LCOR: variants seen among roughly 807,000 people sequenced by gnomAD.
LCOR encodes ligand-dependent corepressor.
Under a neutral mutation model 64.4 loss-of-function variants are expected in LCOR, and 14 were observed. That is an observed-to-expected ratio of 0.22 (90% CI 0.14 to 0.34). The LOEUF (loss-of-function observed/expected upper bound fraction) is 0.34. Among genes scored for constraint, LCOR ranks in the 10% least tolerant of loss-of-function variants. The pLI is 1.00. For synonymous variants in LCOR, 643 were observed against 642.5 expected, an observed-to-expected ratio of 1.00 and a Z score of -0.01; for missense variants, 1,686 against 1,765.3, an observed-to-expected ratio of 0.96 and a Z score of 0.80.
chr10:96,840,653 G>T (rs1345350179), intron 2 of LCOR, among the ~76,000 whole-genome samples: 1 of 152,138 alleles, frequency 6.6e-6, no homozygotes, highest in Non-Finnish European at 1.5e-5. Context: ...TGGGGTCTGG[G>T]ATTACAGGCA....
At chr10:96,855,991 G>C (rs1009739497) in intron 2 of LCOR, among the ~76,000 whole-genome samples, 1 of 152,152 alleles carries the variant, frequency 6.6e-6, no homozygotes, top group Non-Finnish European at 1.5e-5. Flanking sequence ...TGATCCGCCT[G>C]CCTCAGCCTC....
intron 6 of LCOR, 56 bp downstream of exon 6, chr10:96,949,351 GA>G (rs562229779): frequency 2.3e-3 from 3,013 of 1,296,930 alleles, no homozygotes; most frequent in Middle Eastern, 3.2e-3. Context: ...ACTTTGGGGA[GA>G]AAAAAAAAAG....
intron 4 of LCOR, among the ~76,000 whole-genome samples, chr10:96,918,258 A>G (rs372300415): frequency 6.6e-6 from 1 of 151,950 alleles, no homozygotes; most frequent in Non-Finnish European, 1.5e-5. Flanking sequence ...GACAGGGGGG[A>G]TGGGTTGTCA....
At position 96,982,840 on chromosome 10, in the gene LCOR, G is replaced by A. The variant is rs781146560; in HGVS notation, c.2380G>A (p.Asp794Asn). ...AAAAGACACGTATGATACAAGCATT[G>A]ACTCACTCGAAGAGAATTTGGACAA... ...SEKDTYDTSI[D>N]SLEENLDKKK... The change falls in exon 8 of 8, where the codon GAC becomes AAC. Residue 794 changes from aspartate (D) to asparagine (N), a missense_variant. Transcript: ENST00000421806. The A allele has an allele frequency of 6.2e-7, 1 of 1,614,100 alleles. No homozygotes were observed. The highest frequency in any genetic ancestry group is 2.2e-5 in the East Asian group (1 of 44,888).
intron 7 of LCOR, among the ~76,000 whole-genome samples, chr10:96,973,531 G>A (rs1317899192): frequency 2.6e-5 from 4 of 152,226 alleles, no homozygotes; most frequent in Non-Finnish European, 5.9e-5. Context: ...TAAAGGAGAA[G>A]AAGTGAGTAA....
chr10:96,855,844 C>T (rs561524250), intron 2 of LCOR, among the ~76,000 whole-genome samples: 4 of 151,968 alleles, frequency 2.6e-5, no homozygotes, highest in South Asian at 2.1e-4. Flanking sequence ...CGGGTTCAAG[C>T]GATTCTCCTG....
intron 1 of LCOR, 74 bp downstream of exon 1, chr10:96,832,473 T>A (rs1447695389): frequency 3.4e-5 from 17 of 504,576 alleles, no homozygotes; most frequent in Non-Finnish European, 4.3e-5. Context: ...GGGAGGAAGC[T>A]GGGGAAGTGG....
At chr10:96,980,437 T>A (rs1848074216) in intron 7 of LCOR, among the ~76,000 whole-genome samples, 1 of 152,234 alleles carries the variant, frequency 6.6e-6, no homozygotes, top group Admixed American at 6.5e-5. Flanking sequence ...ATATCGTCAC[T>A]AAAATTTGAG....
At chr10:96,976,763 G>A (rs1848043623) in intron 7 of LCOR, among the ~76,000 whole-genome samples, 1 of 152,188 alleles carries the variant, frequency 6.6e-6, no homozygotes. Context: ...ATAGCACTCT[G>A]TCTTCTTACT....
In LCOR at chr10:96,990,309, C is replaced by T. The variant is rs1408843129; in HGVS notation, c.*5175C>T. ...ATAGTCATCTTCATTTTTATGACGC[C>T]CACTGCAGGCTCAAAGAGATTTTCA... On this transcript the variant is annotated 3_prime_UTR_variant, in exon 8 of 8. Transcript: ENST00000421806. 1 of 151,864 alleles carries T rather than the reference C, an allele frequency of 6.6e-6. No individual in the cohort carries two copies. Among genetic ancestry groups the T allele is most frequent in the Non-Finnish European group, 1.5e-5 (1 of 68,012 alleles). 9.4% of individuals were successfully genotyped at this position (151,864 alleles called of 1,614,324 possible).
intron 2 of LCOR, among the ~76,000 whole-genome samples, chr10:96,906,771 A>G (rs1365484723): frequency 2.0e-5 from 3 of 152,190 alleles, no homozygotes; most frequent in Non-Finnish European, 4.4e-5. Flanking sequence ...TACCTTCTTT[A>G]CAAAAGTCTT....
At chr10:96,931,998 GC>G (rs1206228432) in intron 4 of LCOR, among the ~76,000 whole-genome samples, 1 of 152,124 alleles carries the variant, frequency 6.6e-6, no homozygotes. Context: ...TCTTTGGGGA[GC>G]TTTTGCTGGG....
chr10:96,957,752 ACAC>A lies in LCOR; in HGVS notation c.332+5559_332+5561del, dbSNP rs1173645719. 3 of 985,306 alleles carry A rather than the reference ACAC, an allele frequency of 3.0e-6. No homozygotes were observed. The East Asian group carries it at 3.4e-4, about 112-fold the overall frequency. 61.0% of individuals were successfully genotyped at this position (985,306 alleles called of 1,614,324 possible). A position where few individuals can be genotyped will look rare whatever the true frequency, so the allele number is the denominator to read the frequency against. On this transcript the variant is annotated intron_variant, in intron 7 of 7. Coordinates refer to ENST00000421806, the MANE Select transcript of LCOR (RefSeq NM_001346516.2). ...CAACCTGTGTGTTCAAAGGTTAGGC[ACAC>A]CATTGCTGTTACTAAAATACATGCA... is the stretch of plus-strand genomic sequence containing the variant.
intron 4 of LCOR, among the ~76,000 whole-genome samples, chr10:96,920,881 G>C (rs746848852): frequency 6.6e-6 from 1 of 151,504 alleles, no homozygotes; most frequent in African/African-American, 2.4e-5. Flanking sequence ...TGCTGCAGCC[G>C]TGACCTCCCG....
At chr10:96,852,655 T>G (rs112694012) in intron 2 of LCOR, among the ~76,000 whole-genome samples, 3 of 152,182 alleles carry the variant, frequency 2.0e-5, no homozygotes, top group Non-Finnish European at 4.4e-5. Context: ...GGAAACAGGC[T>G]TCTTCAGAAG....
chr10:96,926,215 G>A (rs1247363752), intron 4 of LCOR, among the ~76,000 whole-genome samples: 4 of 152,164 alleles, frequency 2.6e-5, no homozygotes, highest in Non-Finnish European at 5.9e-5. Context: ...CAGCCATTGG[G>A]CAGTAGCCTC....
intron 2 of LCOR, among the ~76,000 whole-genome samples, chr10:96,869,816 C>T (rs1339034473): frequency 6.6e-6 from 1 of 152,112 alleles, no homozygotes; most frequent in East Asian, 1.9e-4. Flanking sequence ...CTCAGGTGAT[C>T]TGCCCACCTT....
rs917710075 is a variant in LCOR at position 96,981,146 on chromosome 10, A to C, written c.686A>C (p.Glu229Ala). 2.8e-6 allele frequency: 2 copies of C among 708,172 alleles called. No individual in the cohort carries two copies. The highest frequency in any genetic ancestry group is 3.5e-5 in the African/African-American group (2 of 57,356). 43.9% of individuals were successfully genotyped at this position (708,172 alleles called of 1,614,324 possible). ...TEQTPKKPPP[E>A]INPVDGRENA... ...CAGACCCCGAAGAAGCCTCCTCCTG[A>C]GATAAACCCTGTAGATGGAAGAGAG... Residue 229 changes from glutamate (E) to alanine (A), a missense_variant, in exon 8 of 8, where the codon GAG (glutamate) becomes GCG (alanine). By Grantham distance (107) the Glu-to-Ala change is moderately radical. Transcript: ENST00000421806.
chr10:96,950,248 G>T (rs1157955067), intron 6 of LCOR, among the ~76,000 whole-genome samples: 2 of 152,102 alleles, frequency 1.3e-5, no homozygotes, highest in Non-Finnish European at 2.9e-5. Flanking sequence ...TAACCTCTTT[G>T]AAATGAACTT....
Sources: gnomAD v4.1 joint callset for allele counts (sites outside exome capture counted in the v4.1 genomes callset) on GRCh38, gnomAD v4.1.1 for gene constraint, MANE v1.5 for transcripts, NCBI Gene and HGNC (gene_info 2026-07-23, HGNC 2026-07-21) for gene names.